IRF4: variants seen among roughly 807,000 people sequenced by gnomAD.
IRF4 encodes lymphocyte-specific interferon regulatory factor.
In IRF4, 13 loss-of-function variants were observed where a neutral mutation model predicts 55.5. That is an observed-to-expected ratio of 0.23 (90% CI 0.15 to 0.37). The LOEUF (loss-of-function observed/expected upper bound fraction) is 0.37. Among genes scored for constraint, IRF4 ranks in the 10% least tolerant of loss-of-function variants. The probability of loss-of-function intolerance (pLI) is 1.00; values close to 1 mark genes in which losing one functional copy is unlikely to be tolerated. For synonymous variants in IRF4, 249 were observed against 240.7 expected (o/e 1.03, Z -0.32); for missense variants, 397 against 593.8 (o/e 0.67, Z 3.44).
chr6:396,138 G>A (rs1761251156), intron 4 of IRF4: 1 of 567,988 alleles, frequency 1.8e-6, no homozygotes, highest in African/African-American at 1.9e-5. Context: ...AGTTGGGGAG[G>A]GTCGGGCGTG....
intron 3 of IRF4, 37 bp downstream of exon 3, chr6:395,044 G>A: frequency 1.3e-6 from 2 of 1,504,816 alleles, no homozygotes; most frequent in Non-Finnish European, 1.8e-6. Context: ...CCTAACAGAG[G>A]CAGCCAGATC....
intron 4 of IRF4, among the ~76,000 whole-genome samples, chr6:396,402 T>C (rs1165945343): frequency 6.6e-6 from 1 of 152,252 alleles, no homozygotes; most frequent in African/African-American, 2.4e-5. Context: ...ATCTCCATTG[T>C]CCTTTATGAT....
rs750505973 is a variant in IRF4, at chr6:395,916, A to T, written c.473A>T (p.Tyr158Phe). The T allele has an allele frequency of 1.2e-6, 2 of 1,613,414 alleles. No homozygotes were observed. The highest frequency in any genetic ancestry group is 4.5e-5 in the East Asian group (2 of 44,874). Residue 158 changes from tyrosine (Y) to phenylalanine (F), a missense_variant, in exon 4 of 9, where the codon TAC becomes TTC. Physicochemically the swap from Tyr to Phe is conservative, Grantham distance 22 (BLOSUM62 3). Coordinates refer to ENST00000380956, the MANE Select transcript of IRF4 (RefSeq NM_002460.4). ...MSHPYTMTTP[Y>F]PSLPAQQVHN... ...CACCCCTACACCATGACAACGCCTT[A>T]CCCTTCGCTCCCAGCCCAGGTATGG...
In IRF4 at chr6:395,850, C is replaced by T. The variant is rs758443557; in HGVS notation, c.407C>T (p.Ala136Val). The T allele has an allele frequency of 6.8e-6, 11 of 1,612,880 alleles. No homozygotes were observed. The Admixed American group carries it at 1.7e-4, about 24-fold the overall frequency. ...RIVPEGAKKG[A>V]KQLTLEDPQM... The stretch of plus-strand genomic sequence containing the variant: ...TCCCTTTTCCCCAAACATGTAGGAG[C>T]CAAGCAGCTCACCCTGGAGGACCCG... The change falls in exon 4 of 9, where the codon GCC becomes GTC. Residue 136 changes from alanine to valine, a missense_variant. This residue lies in a region of IRF4 where 341 missense variants were observed against 548.1 expected (regional missense o/e 0.62). Transcript: ENST00000380956.
At chr6:396,638 A>C (rs1409767701) in intron 4 of IRF4, among the ~76,000 whole-genome samples, 4 of 32,238 alleles carry the variant, frequency 1.2e-4, no homozygotes, top group African/African-American at 2.6e-4. Flanking sequence ...GCACTCCTTT[A>C]CCCCCGTCTC....
At position 400,994 on chromosome 6, in the gene IRF4, CAT is replaced by C. The variant is rs545385683; in HGVS notation, c.746-429_746-428del. On this transcript the variant is annotated intron_variant, in intron 6 of 8. Transcript: ENST00000380956. ...AAAGATGAATTTTCATTCAGTGACA[CAT>C]GACTTAAATGACATCACCACTATCA... is the stretch of plus-strand genomic sequence containing the variant. 7.0e-3 allele frequency among the ~76,000 whole-genome samples: 1,059 copies of C among 152,300 alleles called. 13 individuals carry two copies. The highest frequency in any genetic ancestry group is 0.033 in the South Asian group (160 of 4,826).
At position 407,256 on chromosome 6, in the gene IRF4, G is replaced by T. The variant is rs528550149; in HGVS notation, c.1213-199G>T. Among the ~76,000 whole-genome samples the T allele has an allele frequency of 4.9e-4, 74 of 152,134 alleles. 2 individuals carry two copies. The highest frequency in any genetic ancestry group is 4.0e-4 in the Non-Finnish European group (27 of 68,006). On this transcript the variant is annotated intron_variant, in intron 8 of 8. Coordinates refer to ENST00000380956, the MANE Select transcript of IRF4 (RefSeq NM_002460.4). ...AACCCAGAATTAAGTCACTTTGGCT[G>T]TTTTTTTACATGTTGATCTATGGAA... is the stretch of plus-strand genomic sequence containing the variant.
At chr6:400,714 G>A (rs1352153675) in intron 6 of IRF4, among the ~76,000 whole-genome samples, 1 of 151,852 alleles carries the variant, frequency 6.6e-6, no homozygotes, top group African/African-American at 2.4e-5. Flanking sequence ...TTTAATGTGT[G>A]TATGTGAGTG....
intron 7 of IRF4, among the ~76,000 whole-genome samples, 187 bp from the exon 8 acceptor site, chr6:404,831 C>G (rs1157866501): frequency 6.6e-6 from 1 of 152,186 alleles, no homozygotes; most frequent in East Asian, 1.9e-4. Context: ...GGGAAAGCAC[C>G]CAAAGGAATG....
At chr6:401,396 C>A in intron 6 of IRF4, 28 bp from the exon 7 acceptor site, 1 of 1,574,252 alleles carries the variant, frequency 6.4e-7, no homozygotes, top group Non-Finnish European at 8.7e-7. Flanking sequence ...TGGCCCCCAG[C>A]ACTGACTCCG....
chr6:393,756 C>T lies in IRF4; in HGVS notation c.216+388C>T, dbSNP rs1230979570. On this transcript the variant is annotated intron_variant, in intron 2 of 8. Transcript: ENST00000380956. This position sits in a 1 kb window ranked among gnomAD's most constrained non-coding sequence, Gnocchi z 5.4. ...CGTCCGTGGGTCCCCCTCGCCCTCT[C>T]CGTGCGTCCGCGCCTGTGCCGGCGG... is the stretch of plus-strand genomic sequence containing the variant. 6.6e-6 allele frequency among the ~76,000 whole-genome samples: 1 copy of T among 152,228 alleles called. No individual in the cohort carries two copies. Among genetic ancestry groups the T allele is most frequent in the African/African-American group, 2.4e-5 (1 of 41,472 alleles).
chr6:393,166 G>C lies in IRF4; in HGVS notation c.14G>C (p.Gly5Ala). ...GGCACGCGGGGCATGAACCTGGAGG[G>C]CGGCGGCCGAGGCGGAGAGTTCGGC... MNLEGGGRGGEFGMS... is the reference protein window; with the variant it reads MNLEAGGRGGEFGMS... Residue 5 changes from glycine to alanine, a missense_variant, in exon 2 of 9, where the codon GGC (glycine) becomes GCC (alanine). Physicochemically the swap from Gly to Ala is moderately conservative, Grantham distance 60. Around this residue, in one of 3 missense-constraint regions of IRF4, gnomAD observed 34 missense variants for 29.4 expected, o/e 1.16. Coordinates refer to ENST00000380956, the MANE Select transcript of IRF4 (RefSeq NM_002460.4). This position sits in a 1 kb window ranked among gnomAD's most constrained non-coding sequence, Gnocchi z 5.4. The C allele has an allele frequency of 1.2e-5, 19 of 1,550,722 alleles. No homozygotes were observed. Among genetic ancestry groups the C allele is most frequent in the Non-Finnish European group, 1.7e-5 (19 of 1,146,870 alleles).
intron 6 of IRF4, among the ~76,000 whole-genome samples, chr6:400,791 TACACAC>T (rs5873749): frequency 6.0e-5 from 9 of 150,238 alleles, no homozygotes; most frequent in South Asian, 2.1e-4. Context: ...TTTATATATG[TACACAC>T]ACACACACAC....
chr6:396,864 G>A (rs1240400116), intron 4 of IRF4, among the ~76,000 whole-genome samples: 1 of 103,082 alleles, frequency 9.7e-6, no homozygotes, highest in Non-Finnish European at 1.9e-5. Context: ...CTCAATGCCA[G>A]TGCTTCCTAT....
chr6:407,399 TAGTG>T, intron 8 of IRF4, 52 bp from the exon 9 acceptor site: 1 of 1,515,624 alleles, frequency 6.6e-7, no homozygotes, highest in Non-Finnish European at 9.0e-7. Context: ...TGCTGTTTAA[TAGTG>T]AGCCAGTTGC....
chr6:394,043 C>T (rs774434742), intron 2 of IRF4, among the ~76,000 whole-genome samples: 4 of 152,330 alleles, frequency 2.6e-5, no homozygotes, highest in Non-Finnish European at 5.9e-5. Context: ...TACGATTGTT[C>T]TCCCCTAAGG....
intron 6 of IRF4, among the ~76,000 whole-genome samples, chr6:399,830 T>C (rs985518288): frequency 1.3e-5 from 2 of 152,242 alleles, no homozygotes; most frequent in African/African-American, 4.8e-5. Context: ...GAATGAGGCT[T>C]GCACCTTTTT....
chr6:406,884 G>C, intron 8 of IRF4: 2 of 1,076,070 alleles, frequency 1.9e-6, no homozygotes, highest in South Asian at 2.4e-5. Flanking sequence ...GAACATTAAG[G>C]CGTTTTTGTT....
At chr6:398,976 A>C in intron 6 of IRF4, 41 bp downstream of exon 6, 2 of 1,388,456 alleles carry the variant, frequency 1.4e-6, no homozygotes, top group Non-Finnish European at 2.0e-6. Context: ...GCAGGAGGCC[A>C]GCCTCTGCTG....
Sources: allele counts gnomAD v4.1 joint callset (sites outside exome capture counted in the v4.1 genomes callset), GRCh38; gene constraint gnomAD v4.1.1; regional missense constraint gnomAD v4.1.1; non-coding constraint Gnocchi (gnomAD v3.1); transcripts MANE v1.5; gene names NCBI Gene and HGNC (gene_info 2026-07-23, HGNC 2026-07-21).